The following DNAJC13 variants were observed in gnomAD, a reference collection of about 807,000 sequenced individuals.
The protein encoded by DNAJC13 is dnaJ homolog subfamily C member 13.
DNAJC13 carries 75 observed loss-of-function variants against 290.5 expected under a neutral mutation model. The observed-to-expected ratio is 0.26, with a 90% CI of 0.21 to 0.31. The LOEUF (loss-of-function observed/expected upper bound fraction) is 0.31. Ranked by LOEUF, DNAJC13 falls within the 10% of genes least tolerant of loss-of-function variation. The probability of loss-of-function intolerance (pLI) is 1.00; values close to 1 mark genes in which losing one functional copy is unlikely to be tolerated. For synonymous variants in DNAJC13, 862 were observed against 892.0 expected (o/e 0.97, Z 0.60); for missense variants, 2,260 against 2,674.5 (o/e 0.85, Z 3.42).
At chr3:132,439,635 T>C (rs976791790) in intron 2 of DNAJC13, among the ~76,000 whole-genome samples, 1 of 152,174 alleles carries the variant, frequency 6.6e-6, no homozygotes, top group Non-Finnish European at 1.5e-5. Flanking sequence ...TCACAAAATG[T>C]TGTGTTGAAA....
At chr3:132,470,921 C>T (rs1178296439) in intron 20 of DNAJC13, among the ~76,000 whole-genome samples, 28 of 112,858 alleles carry the variant, frequency 2.5e-4, no homozygotes, top group Admixed American at 6.0e-4. Context: ...CCGGACGGGG[C>T]GGCTGGCCGG....
Position 132,488,232 on chromosome 3 carries a change from T to G in DNAJC13, c.3268-66T>G, listed in dbSNP as rs1036845851. 6 of 1,446,014 alleles carry G rather than the reference T, an allele frequency of 4.1e-6. No homozygotes were observed. The African/African-American group carries it at 8.5e-5, about 21-fold the overall frequency. 89.6% of individuals were successfully genotyped at this position (1,446,014 alleles called of 1,614,324 possible). ...GGAGCTATAACCTCAGCATATGAAATAAAAAACCTAAAGTGATGATGCAGG... is the reference window on the plus strand; with the variant it reads ...GGAGCTATAACCTCAGCATATGAAAGAAAAAACCTAAAGTGATGATGCAGG... On this transcript the variant is annotated intron_variant, in intron 29 of 55. Coordinates refer to ENST00000260818, the MANE Select transcript of DNAJC13 (RefSeq NM_015268.4).
intron 1 of DNAJC13, among the ~76,000 whole-genome samples, chr3:132,421,310 A>T (rs1164722317): frequency 1.3e-5 from 2 of 152,366 alleles, no homozygotes; most frequent in Non-Finnish European, 2.9e-5. Context: ...TCAGTAATAC[A>T]CCAATCCTGT....
intron 54 of DNAJC13, among the ~76,000 whole-genome samples, chr3:132,529,123 C>G (rs1317729729): frequency 6.6e-6 from 1 of 152,162 alleles, no homozygotes; most frequent in Non-Finnish European, 1.5e-5. Context: ...CTTCCTTCCC[C>G]CAACCTTTGG....
chr3:132,500,706 A>T (rs898529867), intron 38 of DNAJC13, 88 bp from the exon 39 acceptor site: 14 of 1,561,154 alleles, frequency 9.0e-6, no homozygotes, highest in African/African-American at 6.8e-5. Context: ...CATTATTCAC[A>T]AATTTCTGCT....
At chr3:132,474,285 G>A (rs577222087) in intron 21 of DNAJC13, 1 of 152,282 alleles carries the variant, frequency 6.6e-6, no homozygotes, top group East Asian at 1.9e-4. Context: ...CTGTCGCCCA[G>A]GCTGGAGTGC....
intron 22 of DNAJC13, 44 bp from the exon 23 acceptor site, chr3:132,477,745 T>C: frequency 6.8e-7 from 1 of 1,460,298 alleles, no homozygotes; most frequent in Non-Finnish European, 9.4e-7. Flanking sequence ...ATTGCCAAAA[T>C]CTATTGTAAA....
In DNAJC13 at chr3:132,477,848, A is replaced by C; in HGVS notation, c.2505A>C (p.Leu835=). 2 of 1,613,652 alleles carry C rather than the reference A, an allele frequency of 1.2e-6. No individual in the cohort carries two copies. The highest frequency in any genetic ancestry group is 1.7e-6 in the Non-Finnish European group (2 of 1,179,774). The part of the protein sequence containing the change: ...IKIGDYYLRL[L]LEEDENEESG... ...TAGGAGACTATTACCTGAGATTACTATTGGAGGAAGATGAGAATGAAGAAA... is the reference window on the plus strand; with the variant it reads ...TAGGAGACTATTACCTGAGATTACTCTTGGAGGAAGATGAGAATGAAGAAA... Residue 835 remains leucine, a synonymous_variant, in exon 23 of 56, where the codon CTA becomes CTC. Transcript: ENST00000260818.
At chr3:132,427,796 T>A (rs1939137784) in intron 1 of DNAJC13, among the ~76,000 whole-genome samples, 1 of 151,950 alleles carries the variant, frequency 6.6e-6, no homozygotes, top group Non-Finnish European at 1.5e-5. Flanking sequence ...CCAAAATAAC[T>A]TCTTTTTTTG....
Position 132,499,210 on chromosome 3 carries a change from A to G in DNAJC13, c.4241A>G (p.Lys1414Arg). ...METSDDLLFS[K>R]ESPLLPAATE... ...ACTTCAGATGACCTCCTTTTCTCAAAAGAATCACCATTGTTGCCTGCGGCT... is the reference window on the plus strand; with the variant it reads ...ACTTCAGATGACCTCCTTTTCTCAAGAGAATCACCATTGTTGCCTGCGGCT... Residue 1414 changes from lysine (K) to arginine (R), a missense_variant, in exon 37 of 56, where the codon AAA (lysine) becomes AGA (arginine). By Grantham distance (26) the Lys-to-Arg change is conservative. This residue lies in a region of DNAJC13 where 1,494 missense variants were observed against 1,693.7 expected (regional missense o/e 0.88). Transcript: ENST00000260818. The G allele has an allele frequency of 6.2e-7, 1 of 1,614,108 alleles. No individual in the cohort carries two copies. The highest frequency in any genetic ancestry group is 8.5e-7 in the Non-Finnish European group (1 of 1,179,970).
intron 42 of DNAJC13, among the ~76,000 whole-genome samples, 184 bp from the exon 43 acceptor site, chr3:132,507,053 G>T (rs1352058642): frequency 1.3e-5 from 2 of 151,934 alleles, no homozygotes; most frequent in Non-Finnish European, 2.9e-5. Flanking sequence ...GTAATATTTG[G>T]GATAAAAAAT....
At chr3:132,482,394 C>T in intron 27 of DNAJC13, 64 bp downstream of exon 27, 1 of 1,269,210 alleles carries the variant, frequency 7.9e-7, no homozygotes, top group Non-Finnish European at 1.1e-6. Context: ...CTGCTTAGCA[C>T]TTACAGAGGC....
chr3:132,515,014 C>A (rs1430699525), intron 46 of DNAJC13, among the ~76,000 whole-genome samples: 1 of 152,118 alleles, frequency 6.6e-6, no homozygotes, highest in Non-Finnish European at 1.5e-5. Context: ...GCTTAAGATA[C>A]AGATGGCCTT....
intron 22 of DNAJC13, among the ~76,000 whole-genome samples, chr3:132,477,456 T>A (rs184180410): frequency 6.6e-6 from 1 of 152,330 alleles, no homozygotes; most frequent in Admixed American, 6.5e-5. Context: ...AGACCTGAAG[T>A]AGTGTATGTG....
intron 30 of DNAJC13, 78 bp downstream of exon 30, chr3:132,488,530 G>A (rs997254906): frequency 3.0e-6 from 4 of 1,322,584 alleles, no homozygotes; most frequent in Non-Finnish European, 4.1e-6. Context: ...TTATTTGTGA[G>A]TACCTTATTG....
At chr3:132,462,326 C>A in intron 15 of DNAJC13, 141 bp from the exon 16 acceptor site, 1 of 691,146 alleles carries the variant, frequency 1.4e-6, no homozygotes, top group Non-Finnish European at 2.4e-6. Flanking sequence ...TTTAACCAAA[C>A]TGACTTTGAG....
intron 55 of DNAJC13, among the ~76,000 whole-genome samples, chr3:132,535,339 AT>A (rs1309949153): frequency 1.3e-5 from 2 of 152,192 alleles, no homozygotes; most frequent in Non-Finnish European, 2.9e-5. Context: ...GAGACTGCCT[AT>A]TTCCATAGGT....
At chr3:132,453,225 CTA>C (rs1933473907) in intron 6 of DNAJC13, 71 bp from the exon 7 acceptor site, 1 of 1,391,374 alleles carries the variant, frequency 7.2e-7, no homozygotes, top group Non-Finnish European at 9.9e-7. Context: ...AATACCTTTC[CTA>C]TGAGTTGATT....
At chr3:132,450,482 A>G (rs1387426143) in intron 5 of DNAJC13, among the ~76,000 whole-genome samples, 165 bp from the exon 6 acceptor site, 1 of 152,190 alleles carries the variant, frequency 6.6e-6, no homozygotes, top group Non-Finnish European at 1.5e-5. Context: ...AAACACCTCC[A>G]AATAGTTAAA....
Sources: allele counts gnomAD v4.1 joint callset (sites outside exome capture counted in the v4.1 genomes callset), GRCh38; gene constraint gnomAD v4.1.1; regional missense constraint gnomAD v4.1.1; transcripts MANE v1.5; gene names NCBI Gene and HGNC (gene_info 2026-07-23, HGNC 2026-07-21).